The following ADAM2 variants were observed in gnomAD, a reference collection of about 807,000 sequenced individuals.
ADAM2 encodes the protein disintegrin and metalloproteinase domain-containing protein 2.
ADAM2 carries 101 observed loss-of-function variants against 99.3 expected under a neutral mutation model. The observed-to-expected ratio is 1.02, with a 90% CI of 0.87 to 1.20. ADAM2 has a LOEUF of 1.20. Ranked by LOEUF, ADAM2 falls within the 50% of genes most tolerant of loss-of-function variation. The pLI is 0.00. For synonymous variants in ADAM2, 323 were observed against 287.6 expected (o/e 1.12, Z -1.25); for missense variants, 948 against 878.7 (o/e 1.08, Z -1.00).
intron 7 of ADAM2, among the ~76,000 whole-genome samples, chr8:39,806,691 G>T (rs935950685): frequency 6.6e-6 from 1 of 152,008 alleles, no homozygotes; most frequent in Non-Finnish European, 1.5e-5. Flanking sequence ...ACCCTGAAAT[G>T]CAAAATGATA....
At chr8:39,776,141 A>T (rs1200092659) in intron 11 of ADAM2, among the ~76,000 whole-genome samples, 1 of 152,080 alleles carries the variant, frequency 6.6e-6, no homozygotes, top group Admixed American at 6.6e-5. Flanking sequence ...CACTTTTCAC[A>T]TTATCTTTTG....
In ADAM2 at chr8:39,761,301, G is replaced by A; in HGVS notation, c.1508-20C>T. On this transcript the variant is annotated intron_variant, in intron 14 of 20. Transcript: ENST00000265708. ...CTACTTCTGAAAATAAAAAGGTGAG[G>A]TTAGTCATATTAAACTTATATTAAT... 6.9e-7 allele frequency: 1 copy of A among 1,444,642 alleles called. No individual in the cohort carries two copies. The allele number at this position is 1,444,642 out of a possible 1,614,324, so 89.5% of individuals were successfully genotyped here. A position where few individuals can be genotyped will look rare whatever the true frequency, so the allele number is the denominator to read the frequency against.
intron 14 of ADAM2, among the ~76,000 whole-genome samples, chr8:39,762,090 A>G (rs1051515809): frequency 6.6e-6 from 1 of 152,222 alleles, no homozygotes; most frequent in Non-Finnish European, 1.5e-5. Flanking sequence ...TCTCAAAGGA[A>G]AAAGAAAAAA....
chr8:39,774,303 G>C (rs922946095), intron 11 of ADAM2, among the ~76,000 whole-genome samples: 5 of 151,882 alleles, frequency 3.3e-5, no homozygotes, highest in South Asian at 4.2e-4. Flanking sequence ...TAGTACTCGA[G>C]GCCCTAAGCA....
At chr8:39,791,625 T>C (rs1231674918) in intron 7 of ADAM2, among the ~76,000 whole-genome samples, 3 of 152,026 alleles carry the variant, frequency 2.0e-5, no homozygotes, top group African/African-American at 7.2e-5. Context: ...CTGTACTCTC[T>C]TCGTTGAGCT....
Position 39,821,077 on chromosome 8 carries a change from C to T in ADAM2, c.438G>A (p.Lys146=). 6.2e-7 allele frequency: 1 copy of T among 1,607,920 alleles called. No homozygotes were observed. Among genetic ancestry groups the T allele is most frequent in the Non-Finnish European group, 8.5e-7 (1 of 1,174,862 alleles). ...CATTATATAAGGAAACATCTGCTTT[C>T]TTATGTTTTACTTGGTAAATTACAT... is the stretch of plus-strand genomic sequence containing the variant. ...FEHVIYQVKH[K]KADVSLYNEK... Residue 146 remains lysine, a synonymous_variant, in exon 6 of 21, where the codon AAG becomes AAA. Transcript: ENST00000265708.
Position 39,837,144 on chromosome 8 carries a change from C to G in ADAM2, c.124G>C (p.Glu42Gln). 5 of 1,598,182 alleles carry G rather than the reference C, an allele frequency of 3.1e-6. No individual in the cohort carries two copies. The highest frequency in any genetic ancestry group is 8.6e-7 in the Non-Finnish European group (1 of 1,169,508). ...TGTTAGTGATTCATTACCTGCGATTCAATTCCTTCCTTTATTATTGACCGT... is the reference window on the plus strand; with the variant it reads ...TGTTAGTGATTCATTACCTGCGATTGAATTCCTTCCTTTATTATTGACCGT... The part of the protein sequence containing the change: ...KIRSIIKEGI[E>Q]SQASYKIVIE... Residue 42 changes from glutamate (E) to glutamine (Q), a missense_variant, in exon 2 of 21, where the codon GAA becomes CAA. Glu to Gln is a conservative substitution (Grantham distance 29). Coordinates refer to ENST00000265708, the MANE Select transcript of ADAM2 (RefSeq NM_001464.5).
intron 6 of ADAM2, among the ~76,000 whole-genome samples, chr8:39,813,583 T>C (rs771339686): frequency 6.6e-6 from 1 of 152,196 alleles, no homozygotes; most frequent in East Asian, 1.9e-4. Flanking sequence ...TGGAATACTA[T>C]GTAGCCATAA....
chr8:39,820,883 A>C (rs925154621), intron 6 of ADAM2, 119 bp downstream of exon 6: 1 of 567,060 alleles, frequency 1.8e-6, no homozygotes, highest in Non-Finnish European at 3.0e-6. Context: ...GTATCCATAC[A>C]TGTGGCTATA....
At chr8:39,796,256 T>G (rs1429161893) in intron 7 of ADAM2, among the ~76,000 whole-genome samples, 1 of 152,082 alleles carries the variant, frequency 6.6e-6, no homozygotes, top group Non-Finnish European at 1.5e-5. Context: ...GCATTCTCAA[T>G]GTTCAGCTCC....
At chr8:39,744,273 A>C (rs1823354610) in intron 20 of ADAM2, among the ~76,000 whole-genome samples, 1 of 152,298 alleles carries the variant, frequency 6.6e-6, no homozygotes, top group South Asian at 2.1e-4. Flanking sequence ...TTTAAGTGGA[A>C]AATTTCAAAA....
chr8:39,769,394 G>C lies in ADAM2; in HGVS notation c.1210C>G (p.Gln404Glu), dbSNP rs1272119496. Residue 404 changes from glutamine (Q) to glutamate (E), a missense_variant and splice_region_variant, in exon 12 of 21, where the codon CAG becomes GAG. Gln to Glu is a conservative substitution (Grantham distance 29, BLOSUM62 2). Transcript: ENST00000265708. Reference sequence around the variant, plus strand: ...TAGTCTTCCGAATTAGTACCAACCTGTTCAGTCCCACAGTCACACTCCTCT... The same window carrying C: ...TAGTCTTCCGAATTAGTACCAACCTCTTCAGTCCCACAGTCACACTCCTCT... ...AGEECDCGTE[Q>E]DCALIGETCC... The C allele has an allele frequency of 1.6e-5, 26 of 1,612,290 alleles. No homozygotes were observed. Among genetic ancestry groups the C allele is most frequent in the Non-Finnish European group, 2.2e-5 (26 of 1,178,910 alleles).
Position 39,769,469 on chromosome 8 carries a change from G to T in ADAM2, c.1135C>A (p.Pro379Thr). 1 of 1,613,872 alleles carries T rather than the reference G, an allele frequency of 6.2e-7. No individual in the cohort carries two copies. The highest frequency in any genetic ancestry group is 1.7e-5 in the Admixed American group (1 of 60,020). ...QCLHNQPRLD[P>T]FFKQQAVCGN... ...CACACTGCTTGCTGTTTGAAAAAAG[G>T]ATCTAAGCGAGGCTGATTGTGAAGA... is the stretch of plus-strand genomic sequence containing the variant. The change falls in exon 12 of 21, where the codon CCT becomes ACT. Residue 379 changes from proline (P) to threonine (T), a missense_variant. Transcript: ENST00000265708.
chr8:39,778,304 C>T (rs985025242), intron 10 of ADAM2, among the ~76,000 whole-genome samples: 30 of 151,908 alleles, frequency 2.0e-4, no homozygotes, highest in Admixed American at 1.6e-3. Context: ...GCCCTCCACC[C>T]CAAAAAGATG....
At chr8:39,824,734 T>G (rs1157313630) in intron 4 of ADAM2, 85 bp downstream of exon 4, 18 of 763,992 alleles carry the variant, frequency 2.4e-5, no homozygotes, top group Non-Finnish European at 3.9e-5. Context: ...ACCCAACACT[T>G]TAGACTCTAA....
chr8:39,757,781 T>C (rs895246667), intron 15 of ADAM2, among the ~76,000 whole-genome samples: 6 of 152,212 alleles, frequency 3.9e-5, no homozygotes, highest in Admixed American at 6.5e-5. Context: ...ATTTCCGTTA[T>C]GTATTAGTCA....
rs141040610 is a variant in ADAM2 at position 39,767,217 on chromosome 8, A to G, written c.1247T>C (p.Ile416Thr). The G allele has an allele frequency of 4.9e-5, 78 of 1,607,598 alleles. No individual in the cohort carries two copies. Among genetic ancestry groups the G allele is most frequent in the Non-Finnish European group, 6.6e-5 (78 of 1,178,664 alleles). ...ACCGGCTTTAAATCTACATGTGGCAATATCACAGCATGTTTCTCCAATAAG... is the reference window on the plus strand; with the variant it reads ...ACCGGCTTTAAATCTACATGTGGCAGTATCACAGCATGTTTCTCCAATAAG... ...CALIGETCCD[I>T]ATCRFKAGSN... is the part of the protein sequence containing the mutation. Residue 416 changes from isoleucine (I) to threonine (T), a missense_variant, in exon 13 of 21, where the codon ATT becomes ACT. Coordinates refer to ENST00000265708, the MANE Select transcript of ADAM2 (RefSeq NM_001464.5).
At chr8:39,809,660 T>C (rs1490889701) in intron 6 of ADAM2, among the ~76,000 whole-genome samples, 194 bp from the exon 7 acceptor site, 2 of 152,200 alleles carry the variant, frequency 1.3e-5, no homozygotes, top group East Asian at 3.9e-4. Flanking sequence ...CCTAATCAAT[T>C]ATTTAATTTA....
In ADAM2 at chr8:39,755,753, T is replaced by C. The variant is rs146789518; in HGVS notation, c.1772A>G (p.Asp591Gly). Reference sequence around the variant, plus strand: ...CTTATTTGAACCACAAGAAGTTCCATCTTTTATCCACATCTTTTGGCTGTC... The same window carrying C: ...CTTATTTGAACCACAAGAAGTTCCACCTTTTATCCACATCTTTTGGCTGTC... ...HADSQKMWIK[D>G]GTSCGSNKVC... Residue 591 changes from aspartate to glycine, a missense_variant, in exon 16 of 21, where the codon GAT becomes GGT. Coordinates refer to ENST00000265708, the MANE Select transcript of ADAM2 (RefSeq NM_001464.5). The C allele has an allele frequency of 2.5e-6, 4 of 1,612,976 alleles. No individual in the cohort carries two copies. The highest frequency in any genetic ancestry group is 3.4e-6 in the Non-Finnish European group (4 of 1,179,648).
Sources: gnomAD v4.1 joint callset for allele counts (sites outside exome capture counted in the v4.1 genomes callset) on GRCh38, gnomAD v4.1.1 for gene constraint, MANE v1.5 for transcripts, NCBI Gene and HGNC (gene_info 2026-07-23, HGNC 2026-07-21) for gene names.